KIF14: variants seen among roughly 807,000 people sequenced by gnomAD.
The protein encoded by KIF14 is kinesin family member 14.
KIF14 carries 98 observed loss-of-function variants against 176.2 expected under a neutral mutation model. That is an observed-to-expected ratio of 0.56 (90% CI 0.47 to 0.66). KIF14 has a LOEUF of 0.66. KIF14 is among the 30% of genes least tolerant of loss of function. The pLI, the probability that KIF14 is intolerant of heterozygous loss-of-function variation, is 0.00. For missense variants in KIF14, 1,751 were observed against 1,920.4 expected (o/e 0.91, Z 1.65); for synonymous variants, 566 against 632.2 (o/e 0.90, Z 1.57).
At chr1:200,571,613 T>G (rs1657794605) in intron 22 of KIF14, among the ~76,000 whole-genome samples, 1 of 152,200 alleles carries the variant, frequency 6.6e-6, no homozygotes, top group African/African-American at 2.4e-5. Context: ...AAAAATACTA[T>G]TTGTCGAAAA....
chr1:200,605,243 G>A, intron 8 of KIF14, 40 bp downstream of exon 8: 1 of 1,538,216 alleles, frequency 6.5e-7, no homozygotes, highest in African/African-American at 1.4e-5. Flanking sequence ...TATCACCAGG[G>A]TGAAAACTGA....
chr1:200,592,069 A>G lies in KIF14; in HGVS notation c.2813+11T>C. 1 of 1,606,784 alleles carries G rather than the reference A, an allele frequency of 6.2e-7. No individual in the cohort carries two copies. The highest frequency in any genetic ancestry group is 1.7e-5 in the Admixed American group (1 of 58,682). On this transcript the variant is annotated intron_variant, in intron 16 of 29. Transcript: ENST00000367350. Reference sequence around the variant, plus strand: ...CATACACTTACTATTTCATATCAACAGCATACTTACTGTGATCTCTGTGCC... The same window carrying G: ...CATACACTTACTATTTCATATCAACGGCATACTTACTGTGATCTCTGTGCC...
intron 18 of KIF14, among the ~76,000 whole-genome samples, chr1:200,586,454 T>C (rs1658742750): frequency 6.6e-6 from 1 of 152,092 alleles, no homozygotes; most frequent in East Asian, 1.9e-4. Context: ...TTACAGTACG[T>C]TTTATTAAGC....
chr1:200,586,606 C>T (rs1658750611), intron 18 of KIF14, among the ~76,000 whole-genome samples: 1 of 150,228 alleles, frequency 6.7e-6, no homozygotes, highest in Admixed American at 6.6e-5. Context: ...CTTTTTTCTT[C>T]CCATTGATAG....
chr1:200,603,487 C>T lies in KIF14; in HGVS notation c.1864-146G>A, dbSNP rs543275955. The T allele has an allele frequency of 8.8e-4, 510 of 580,794 alleles. 10 individuals are homozygous for T. In the South Asian group the frequency reaches 0.011, roughly 12 times the overall value. 36.0% of individuals were successfully genotyped at this position (580,794 alleles called of 1,614,324 possible). ...TTTGAGACAGAGTCTCACTCTGTTG[C>T]CCAGGCTGGAGTGCAGTGGCATAAA... On this transcript the variant is annotated intron_variant, in intron 9 of 29. Transcript: ENST00000367350.
At chr1:200,571,245 G>T (rs913530147) in intron 22 of KIF14, among the ~76,000 whole-genome samples, 2 of 151,684 alleles carry the variant, frequency 1.3e-5, no homozygotes, top group Non-Finnish European at 2.9e-5. Flanking sequence ...AACCTGGGAG[G>T]GGGAGCTTAT....
chr1:200,599,054 CCT>C (rs767016575), intron 13 of KIF14, among the ~76,000 whole-genome samples: 8 of 152,216 alleles, frequency 5.3e-5, no homozygotes, highest in African/African-American at 1.4e-4. Context: ...ACCACAGGCC[CCT>C]GTCAACTCAC....
chr1:200,619,405 T>C (rs1299627352), intron 1 of KIF14, among the ~76,000 whole-genome samples: 2 of 152,082 alleles, frequency 1.3e-5, no homozygotes, highest in Non-Finnish European at 2.9e-5. Flanking sequence ...CAGGCTGGAG[T>C]GCAGTGGCAC....
chr1:200,563,230 G>A (rs563993440), intron 25 of KIF14, among the ~76,000 whole-genome samples: 41 of 152,292 alleles, frequency 2.7e-4, no homozygotes, highest in African/African-American at 9.1e-4. Flanking sequence ...ATAATAGAAT[G>A]TGGAAAGTCT....
Position 200,602,078 on chromosome 1 carries a change from A to G in KIF14, c.1980-10T>C, listed in dbSNP as rs770278699. On this transcript the variant is annotated splice_polypyrimidine_tract_variant and intron_variant, in intron 10 of 29. Coordinates refer to ENST00000367350, the MANE Select transcript of KIF14 (RefSeq NM_014875.3). ...ACTTTCTTTTAACAGCCTACAAGAA[A>G]AAAAGTCATAAGACTTTGCTTCTAC... 3.7e-6 allele frequency: 6 copies of G among 1,606,924 alleles called. No individual in the cohort carries two copies. The highest frequency in any genetic ancestry group is 3.4e-5 in the Admixed American group (2 of 58,694).
chr1:200,579,165 AT>A lies in KIF14; in HGVS notation c.3465+1088del, dbSNP rs1658305121. On this transcript the variant is annotated intron_variant, in intron 21 of 29. Coordinates refer to ENST00000367350, the MANE Select transcript of KIF14 (RefSeq NM_014875.3). ...AAAGAAACAACAGTGAAATCCCTAGATTTACTAGTTATTACAGTACAGGTTG... is the reference window on the plus strand; with the variant it reads ...AAAGAAACAACAGTGAAATCCCTAGATTACTAGTTATTACAGTACAGGTTG... Among the ~76,000 whole-genome samples the A allele has an allele frequency of 3.3e-5, 5 of 152,038 alleles. No homozygotes were observed. The South Asian group carries it at 1.0e-3, about 32-fold the overall frequency.
chr1:200,593,643 A>G (rs1558074263), intron 15 of KIF14, 24 bp downstream of exon 15: 2 of 1,372,566 alleles, frequency 1.5e-6, no homozygotes, highest in Non-Finnish European at 2.1e-6. Flanking sequence ...ACAGTTTCTT[A>G]TATTATAGCA....
Position 200,618,760 on chromosome 1 carries a change from A to G in KIF14, c.-37T>C. 6.6e-7 allele frequency: 1 copy of G among 1,510,398 alleles called. No individual in the cohort carries two copies. The allele number at this position is 1,510,398 out of a possible 1,614,324, so 93.6% of individuals were successfully genotyped here. A position where few individuals can be genotyped will look rare whatever the true frequency, so the allele number is the denominator to read the frequency against. Reference sequence around the variant, plus strand: ...GTTATTTTAAAAAAGAATGTTACTAAGACCCTAAGCTCTTCTTTGGACATT... The same window carrying G: ...GTTATTTTAAAAAAGAATGTTACTAGGACCCTAAGCTCTTCTTTGGACATT... On this transcript the variant is annotated 5_prime_UTR_variant, in exon 2 of 30. Transcript: ENST00000367350.
intron 25 of KIF14, among the ~76,000 whole-genome samples, chr1:200,562,706 T>C (rs535149950): frequency 2.0e-4 from 31 of 152,322 alleles, no homozygotes; most frequent in African/African-American, 6.5e-4. Context: ...CTACCTTTCA[T>C]TTTCATGATT....
intron 7 of KIF14, 102 bp downstream of exon 7, chr1:200,605,762 T>G: frequency 1.4e-6 from 1 of 721,298 alleles, no homozygotes; most frequent in Non-Finnish European, 2.2e-6. Flanking sequence ...TTAAGGAAAC[T>G]AACCTTTTAT....
Position 200,569,912 on chromosome 1 carries a change from T to C in KIF14, c.3660A>G (p.Ser1220=), listed in dbSNP as rs147542279. Residue 1220 remains serine (S), a splice_region_variant and synonymous_variant, in exon 23 of 30, where the codon TCA becomes TCG. Transcript: ENST00000367350. ...PIKNLHSSHS[S]GLMDKSSTIY... ...GAGAAAATGTGAAGAAAAAAATACCTGATGAATGTGAAGAATGCAAATTCT... is the reference window on the plus strand; with the variant it reads ...GAGAAAATGTGAAGAAAAAAATACCCGATGAATGTGAAGAATGCAAATTCT... 2.8e-5 allele frequency: 44 copies of C among 1,559,062 alleles called. No homozygotes were observed. Among genetic ancestry groups the C allele is most frequent in the East Asian group, 9.0e-5 (4 of 44,400 alleles).
At chr1:200,571,793 T>C (rs1182902925) in intron 22 of KIF14, among the ~76,000 whole-genome samples, 1 of 152,204 alleles carries the variant, frequency 6.6e-6, no homozygotes, top group African/African-American at 2.4e-5. Flanking sequence ...AAAAGTATAT[T>C]ATTACAGCAA....
At position 200,560,853 on chromosome 1, in the gene KIF14, T is replaced by C. The variant is rs1657102458; in HGVS notation, c.4099A>G (p.Ile1367Val). Residue 1367 changes from isoleucine to valine, a missense_variant, in exon 26 of 30, where the codon ATA (isoleucine) becomes GTA (valine). Ile to Val is a conservative substitution (Grantham distance 29). Transcript: ENST00000367350. ...QGCCLDISSM[I>V]KEAQKNAIQI... Reference sequence around the variant, plus strand: ...ATTGCATTCTTTTGAGCCTCTTTTATCATTGATGAAATATCCAAACAGCAT... The same window carrying C: ...ATTGCATTCTTTTGAGCCTCTTTTACCATTGATGAAATATCCAAACAGCAT... 6.2e-7 allele frequency: 1 copy of C among 1,613,984 alleles called. No individual in the cohort carries two copies. The highest frequency in any genetic ancestry group is 8.5e-7 in the Non-Finnish European group (1 of 1,179,848).
At chr1:200,606,902 C>T in intron 5 of KIF14, 104 bp from the exon 6 acceptor site, 2 of 929,218 alleles carry the variant, frequency 2.2e-6, no homozygotes, top group Non-Finnish European at 3.4e-6. Flanking sequence ...AGAGATTTGT[C>T]TTTATTTTAT....
Sources: gnomAD v4.1 joint callset for allele counts (sites outside exome capture counted in the v4.1 genomes callset) on GRCh38, gnomAD v4.1.1 for gene constraint, MANE v1.5 for transcripts, NCBI Gene and HGNC (gene_info 2026-07-23, HGNC 2026-07-21) for gene names.